The following NAA60 variants were observed in gnomAD, a reference collection of about 807,000 sequenced individuals.
NAA60 encodes N-alpha-acetyltransferase 60, NatF catalytic subunit, also known as N-alpha-acetyltransferase 60.
Under a neutral mutation model 26.1 loss-of-function variants are expected in NAA60, and 8 were observed. That is an observed-to-expected ratio of 0.31 (90% CI 0.18 to 0.55). The LOEUF (loss-of-function observed/expected upper bound fraction) is 0.55, where lower values mean the gene tolerates loss of function less well. Among genes scored for constraint, NAA60 ranks in the 20% least tolerant of loss-of-function variants. The probability of loss-of-function intolerance (pLI) is 0.93; values close to 1 mark genes in which losing one functional copy is unlikely to be tolerated. For missense variants in NAA60, 290 were observed against 311.3 expected (o/e 0.93, Z 0.51); for synonymous variants, 131 against 122.5 (o/e 1.07, Z -0.46).
chr16:3,478,528 T>C (rs573971457), intron 3 of NAA60, among the ~76,000 whole-genome samples: 1 of 152,308 alleles, frequency 6.6e-6, no homozygotes, highest in African/African-American at 2.4e-5. Flanking sequence ...GCCTCTGTCC[T>C]CCTGACCTTG....
At chr16:3,465,691 C>G (rs940555363) in intron 2 of NAA60, among the ~76,000 whole-genome samples, 2 of 152,130 alleles carry the variant, frequency 1.3e-5, no homozygotes, top group African/African-American at 4.8e-5. Flanking sequence ...GGGAGCATCC[C>G]TGCTCAGCCC....
intron 3 of NAA60, among the ~76,000 whole-genome samples, chr16:3,478,778 C>G (rs927038642): frequency 5.3e-5 from 8 of 152,128 alleles, no homozygotes; most frequent in African/African-American, 1.9e-4. Context: ...CTCCACTCCC[C>G]TAGTCTTCAG....
intron 2 of NAA60, among the ~76,000 whole-genome samples, chr16:3,457,778 C>G (rs554802653): frequency 7.9e-5 from 12 of 152,370 alleles, no homozygotes; most frequent in African/African-American, 2.9e-4. Context: ...TCCGCACACG[C>G]TAGGCCGGGG....
At chr16:3,450,699 CAAAAAAAAA>C (rs539095336) in intron 2 of NAA60, among the ~76,000 whole-genome samples, 3 of 73,606 alleles carry the variant, frequency 4.1e-5, no homozygotes, top group Non-Finnish European at 6.0e-5. Flanking sequence ...GACTCCGTCT[CAAAAAAAAA>C]AAAAAAAAAA....
At chr16:3,473,377 A>G (rs1245138243) in intron 2 of NAA60, among the ~76,000 whole-genome samples, 2 of 152,202 alleles carry the variant, frequency 1.3e-5, no homozygotes, top group Non-Finnish European at 2.9e-5. Context: ...ACATGGTGGC[A>G]GGCAAGAGAG....
chr16:3,455,763 A>C (rs1489697766), intron 2 of NAA60, among the ~76,000 whole-genome samples: 1 of 151,832 alleles, frequency 6.6e-6, no homozygotes, highest in East Asian at 1.9e-4. Context: ...ACTGGAGTAC[A>C]GTGGCGCGAT....
chr16:3,483,253 A>ACG (rs1487633312), intron 5 of NAA60, 110 bp from the exon 6 acceptor site: 5 of 792,066 alleles, frequency 6.3e-6, no homozygotes, highest in Non-Finnish European at 1.0e-5. Context: ...GGTCTCTGAT[A>ACG]CGGTGGGCCG....
intron 2 of NAA60, among the ~76,000 whole-genome samples, chr16:3,455,059 A>AT (rs1024076318): frequency 6.6e-6 from 1 of 152,046 alleles, no homozygotes; most frequent in Non-Finnish European, 1.5e-5. Flanking sequence ...TTAAAGGAGT[A>AT]TTTTTTTCTT....
chr16:3,455,487 T>C (rs1167204558), intron 2 of NAA60, among the ~76,000 whole-genome samples: 1 of 146,316 alleles, frequency 6.8e-6, no homozygotes, highest in African/African-American at 2.5e-5. Flanking sequence ...CTCCACCTCC[T>C]GGGTTCACGC....
intron 4 of NAA60, among the ~76,000 whole-genome samples, chr16:3,481,460 C>G (rs1417976720): frequency 6.6e-6 from 1 of 152,156 alleles, no homozygotes; most frequent in Non-Finnish European, 1.5e-5. Context: ...CATCCCCCTC[C>G]GGGTGGCTTT....
chr16:3,474,766 T>G (rs1293771611), intron 2 of NAA60, among the ~76,000 whole-genome samples: 5 of 152,258 alleles, frequency 3.3e-5, no homozygotes, highest in Non-Finnish European at 7.3e-5. Context: ...GATTGTTGTT[T>G]GACTCCGTCA....
chr16:3,469,811 G>A lies in NAA60; in HGVS notation c.-6-6411G>A, dbSNP rs562037637. Among the ~76,000 whole-genome samples the A allele has an allele frequency of 1.2e-4, 18 of 152,376 alleles. No homozygotes were observed. The East Asian group carries it at 1.5e-3, about 13-fold the overall frequency. The stretch of plus-strand genomic sequence containing the variant: ...GTGGGCACATGAGGGTTCCTTGCCA[G>A]CACCAGGGCTTTGTTCACACAGGTG... On this transcript the variant is annotated intron_variant, in intron 2 of 7. Coordinates refer to ENST00000407558, the MANE Select transcript of NAA60 (RefSeq NM_001083601.3).
rs542290184 is a variant in NAA60 at position 3,473,190 on chromosome 16, C to T, written c.-6-3032C>T. Among the ~76,000 whole-genome samples, 156 of 152,110 alleles carry T rather than the reference C, an allele frequency of 1.0e-3. 2 individuals carry two copies. Among genetic ancestry groups the T allele is most frequent in the Admixed American group, 3.9e-4 (6 of 15,272 alleles). ...GGCTGGGATGACAGGCACACCACCA[C>T]GCCTGGCTAATGTTTGTATTTTTAG... On this transcript the variant is annotated intron_variant, in intron 2 of 7. Transcript: ENST00000407558.
chr16:3,453,491 C>G (rs2034864392), intron 2 of NAA60, among the ~76,000 whole-genome samples: 2 of 152,188 alleles, frequency 1.3e-5, no homozygotes, highest in African/African-American at 4.8e-5. Flanking sequence ...TCACCACAAC[C>G]TCTGCCTTCC....
intron 2 of NAA60, among the ~76,000 whole-genome samples, chr16:3,458,392 C>T (rs965209865): frequency 1.3e-5 from 2 of 152,050 alleles, no homozygotes; most frequent in African/African-American, 2.4e-5. Context: ...TGGGCGCTGG[C>T]CAGGGACGAG....
intron 1 of NAA60, among the ~76,000 whole-genome samples, chr16:3,445,135 A>G (rs572955189): frequency 6.6e-6 from 1 of 152,330 alleles, no homozygotes; most frequent in African/African-American, 2.4e-5. Context: ...AAACTTGCCT[A>G]CAGGCTAGAC....
Position 3,443,710 on chromosome 16 carries a change from G to T in NAA60, c.-204G>T, listed in dbSNP as rs572516898. The T allele has an allele frequency of 9.5e-5, 138 of 1,452,894 alleles. No homozygotes were observed. The highest frequency in any genetic ancestry group is 5.4e-4 in the Middle Eastern group (3 of 5,594). 90.0% of individuals were successfully genotyped at this position (1,452,894 alleles called of 1,614,324 possible). ...TCCGCTGGCGGGGTCTCCTCCGTGA[G>T]CTCCGGGCCTGTTTGCCTGCTGAAG... On this transcript the variant is annotated 5_prime_UTR_variant, in exon 1 of 8. Coordinates refer to ENST00000407558, the MANE Select transcript of NAA60 (RefSeq NM_001083601.3).
At chr16:3,472,718 C>T (rs2150995307) in intron 2 of NAA60, among the ~76,000 whole-genome samples, 1 of 152,328 alleles carries the variant, frequency 6.6e-6, no homozygotes, top group Non-Finnish European at 1.5e-5. Flanking sequence ...CAGGCATGAG[C>T]CACCGCTCCT....
At chr16:3,462,875 TACTC>T (rs2035500770) in intron 2 of NAA60, among the ~76,000 whole-genome samples, 1 of 152,208 alleles carries the variant, frequency 6.6e-6, no homozygotes, top group African/African-American at 2.4e-5. Context: ...GGACTCCCCT[TACTC>T]AAGAAAAGGA....
Sources: allele counts gnomAD v4.1 joint callset (sites outside exome capture counted in the v4.1 genomes callset), GRCh38; gene constraint gnomAD v4.1.1; transcripts MANE v1.5; gene names NCBI Gene and HGNC (gene_info 2026-07-23, HGNC 2026-07-21).